Variants in LRRC28 observed in about 807,000 individuals in gnomAD.
LRRC28 encodes the protein leucine-rich repeat-containing protein 28.
In LRRC28, 39 loss-of-function variants were observed where a neutral mutation model predicts 45.7. The ratio of observed to expected loss-of-function variants is 0.85; its 90% CI spans 0.66 to 1.12. The LOEUF is 1.12. Ranked by LOEUF, LRRC28 falls within the 50% of genes most tolerant of loss-of-function variation. The probability of loss-of-function intolerance (pLI) is 0.00; values close to 1 mark genes in which losing one functional copy is unlikely to be tolerated. For synonymous variants in LRRC28, 206 were observed against 178.8 expected (o/e 1.15, Z -1.22); for missense variants, 435 against 438.5 (o/e 0.99, Z 0.07).
chr15:99,363,740 C>T (rs1957269574), intron 9 of LRRC28, among the ~76,000 whole-genome samples: 1 of 152,222 alleles, frequency 6.6e-6, no homozygotes, highest in African/African-American at 2.4e-5. Flanking sequence ...ATGGCATTCT[C>T]ATGCCACTCT....
chr15:99,304,317 A>G (rs1455297654), intron 5 of LRRC28, among the ~76,000 whole-genome samples: 1 of 152,182 alleles, frequency 6.6e-6, no homozygotes, highest in Non-Finnish European at 1.5e-5. Context: ...TATGATTTGC[A>G]AATATTTTTT....
chr15:99,259,665 C>A, intron 2 of LRRC28: 2 of 1,402,012 alleles, frequency 1.4e-6, no homozygotes, highest in Non-Finnish European at 2.0e-6. Flanking sequence ...CGGAAGAAAA[C>A]ATTTGAAATT....
intron 2 of LRRC28, among the ~76,000 whole-genome samples, chr15:99,272,000 A>G (rs1020201004): frequency 6.6e-6 from 1 of 152,184 alleles, no homozygotes; most frequent in Non-Finnish European, 1.5e-5. Context: ...GTTTTCTTCT[A>G]TGAAGTGTGG....
intron 2 of LRRC28, among the ~76,000 whole-genome samples, chr15:99,268,709 G>A (rs1038299662): frequency 6.6e-6 from 1 of 152,126 alleles, no homozygotes; most frequent in Non-Finnish European, 1.5e-5. Flanking sequence ...TTACAGAATT[G>A]TTCAAGCTAG....
At chr15:99,357,527 T>G (rs1267462606) in intron 7 of LRRC28, among the ~76,000 whole-genome samples, 1 of 152,060 alleles carries the variant, frequency 6.6e-6, no homozygotes, top group East Asian at 1.9e-4. Flanking sequence ...CAGACTATAG[T>G]GTTAGAATTT....
Position 99,388,412 on chromosome 15 carries a change from GAACTACGGTGTGTTA to G in LRRC28, c.*2314_*2328del, listed in dbSNP as rs1958092976. On this transcript the variant is annotated 3_prime_UTR_variant, in exon 10 of 10. Transcript: ENST00000301981. The stretch of plus-strand genomic sequence containing the variant: ...CAGGCATTCTTTCTCTACCTATTAT[GAACTACGGTGTGTTA>G]AACAACAGCAGTGGGCTGGGCAGAC... 1 of 152,200 alleles carries G rather than the reference GAACTACGGTGTGTTA, an allele frequency of 6.6e-6. No individual in the cohort carries two copies. The highest frequency in any genetic ancestry group is 1.5e-5 in the Non-Finnish European group (1 of 68,036). 9.4% of individuals were successfully genotyped at this position (152,200 alleles called of 1,614,324 possible).
intron 5 of LRRC28, among the ~76,000 whole-genome samples, chr15:99,311,342 T>A (rs1955403122): frequency 1.3e-5 from 2 of 152,206 alleles, no homozygotes; most frequent in African/African-American, 4.8e-5. Flanking sequence ...TTACGTGAAT[T>A]GTGATATGTT....
chr15:99,259,871 C>T, intron 2 of LRRC28: 2 of 777,308 alleles, frequency 2.6e-6, no homozygotes, highest in Non-Finnish European at 4.7e-6. Context: ...TTGAACACAT[C>T]CTGATGCAAA....
Position 99,314,362 on chromosome 15 carries a change from T to G in LRRC28, c.386-19561T>G, listed in dbSNP as rs566461661. ...CTGAGGTGGGAGGATCACTTAAGCT[T>G]GGGAGGTTAAGGCTGCAGTGAGCTG... On this transcript the variant is annotated intron_variant, in intron 5 of 9. Transcript: ENST00000301981. 2.0e-5 allele frequency among the ~76,000 whole-genome samples: 3 copies of G among 152,002 alleles called. No individual in the cohort carries two copies. The South Asian group carries it at 6.2e-4, about 32-fold the overall frequency.
intron 5 of LRRC28, among the ~76,000 whole-genome samples, chr15:99,315,115 T>A (rs1389438685): frequency 2.0e-5 from 3 of 152,140 alleles, no homozygotes; most frequent in Admixed American, 1.3e-4. Flanking sequence ...TGAAAAAAAA[T>A]TTTTACCATT....
At chr15:99,306,302 C>T (rs527663134) in intron 5 of LRRC28, among the ~76,000 whole-genome samples, 22 of 152,274 alleles carry the variant, frequency 1.4e-4, no homozygotes, top group African/African-American at 5.3e-4. Flanking sequence ...GTTTCTTAAG[C>T]AAATGGACCG....
At chr15:99,351,413 T>C (rs1446170477) in intron 6 of LRRC28, among the ~76,000 whole-genome samples, 1 of 152,190 alleles carries the variant, frequency 6.6e-6, no homozygotes, top group Admixed American at 6.5e-5. Context: ...TCTGCCTCTT[T>C]CTGACATTCT....
chr15:99,343,391 T>C (rs1000352229), intron 6 of LRRC28, among the ~76,000 whole-genome samples: 1 of 152,222 alleles, frequency 6.6e-6, no homozygotes, highest in Admixed American at 6.5e-5. Context: ...AGGAGCTTTT[T>C]GTTCCATTTT....
chr15:99,263,207 A>G (rs1261044681), intron 2 of LRRC28, among the ~76,000 whole-genome samples: 4 of 150,468 alleles, frequency 2.7e-5, no homozygotes, highest in African/African-American at 4.9e-5. Context: ...AGTCCCAGCT[A>G]CTTGGGGGGT....
intron 9 of LRRC28, among the ~76,000 whole-genome samples, chr15:99,379,874 G>A (rs566187562): frequency 1.3e-5 from 2 of 152,320 alleles, no homozygotes; most frequent in South Asian, 2.1e-4. Context: ...TTAATCCTAA[G>A]TTCTAGTTTG....
chr15:99,286,416 C>T (rs1387107257), intron 3 of LRRC28, among the ~76,000 whole-genome samples: 2 of 152,210 alleles, frequency 1.3e-5, no homozygotes, highest in Admixed American at 1.3e-4. Context: ...CAGGCGTGAG[C>T]CACCGCGCCC....
intron 5 of LRRC28, among the ~76,000 whole-genome samples, chr15:99,296,200 G>C (rs112155421): frequency 0.04 from 6,103 of 152,282 alleles, 247 homozygotes; most frequent in African/African-American, 0.1. Context: ...TACAAGCCTG[G>C]GCACAGATGC....
chr15:99,369,721 C>G (rs1436518356), intron 9 of LRRC28, among the ~76,000 whole-genome samples: 2 of 152,150 alleles, frequency 1.3e-5, no homozygotes, highest in Non-Finnish European at 2.9e-5. Flanking sequence ...TAGTATTTGA[C>G]CAAACAAATG....
At chr15:99,306,971 G>GATT in intron 5 of LRRC28, among the ~76,000 whole-genome samples, 1 of 152,294 alleles carries the variant, frequency 6.6e-6, no homozygotes, top group East Asian at 1.9e-4. Context: ...CAGCCCTGAG[G>GATT]ATTAGCCTGC....
Sources: allele counts gnomAD v4.1 joint callset (sites outside exome capture counted in the v4.1 genomes callset), GRCh38; gene constraint gnomAD v4.1.1; transcripts MANE v1.5; gene names NCBI Gene and HGNC (gene_info 2026-07-23, HGNC 2026-07-21).